CNTNAP2: variants seen among roughly 807,000 people sequenced by gnomAD.
CNTNAP2 encodes contactin associated protein 2, also known as contactin-associated protein-like 2.
In CNTNAP2, 98 loss-of-function variants were observed where a neutral mutation model predicts 155.2. That is an observed-to-expected ratio of 0.63 (90% CI 0.54 to 0.75). The LOEUF (loss-of-function observed/expected upper bound fraction) is 0.75, where lower values mean the gene tolerates loss of function less well. Among genes scored for constraint, CNTNAP2 ranks in the 30% least tolerant of loss-of-function variants. CNTNAP2 has a pLI of 0.00. For synonymous variants in CNTNAP2, 651 were observed against 631.2 expected, an observed-to-expected ratio of 1.03 and a Z score of -0.47; for missense variants, 1,727 against 1,688.1, an observed-to-expected ratio of 1.02 and a Z score of -0.40.
At chr7:146,652,016 A>G (rs907873211) in intron 1 of CNTNAP2, among the ~76,000 whole-genome samples, 2 of 152,306 alleles carry the variant, frequency 1.3e-5, no homozygotes, top group Admixed American at 6.5e-5. Flanking sequence ...AAGTATGTGA[A>G]GAAGGATACT....
chr7:146,833,265 G>C (rs1379686127), intron 2 of CNTNAP2, among the ~76,000 whole-genome samples: 1 of 152,054 alleles, frequency 6.6e-6, no homozygotes, highest in Non-Finnish European at 1.5e-5. Context: ...AATTGGTGTT[G>C]AACTTTTGAC....
intron 20 of CNTNAP2, among the ~76,000 whole-genome samples, chr7:148,242,400 CTGAAGATTTTGA>C (rs1287644464): frequency 6.6e-6 from 1 of 152,188 alleles, no homozygotes; most frequent in African/African-American, 2.4e-5. Context: ...GGGATTGAGT[CTGAAGATTTTGA>C]TGGACATGGT....
intron 1 of CNTNAP2, among the ~76,000 whole-genome samples, chr7:146,325,047 G>GCCT (rs1435112917): frequency 3.9e-5 from 6 of 151,974 alleles, no homozygotes; most frequent in African/African-American, 1.4e-4. Context: ...CGATCCTCCC[G>GCCT]CCTGAGCCTC....
intron 8 of CNTNAP2, among the ~76,000 whole-genome samples, chr7:147,155,344 G>T (rs1480871974): frequency 1.3e-5 from 2 of 152,124 alleles, no homozygotes; most frequent in Non-Finnish European, 2.9e-5. Context: ...TGAGAAATAA[G>T]TATCTGTTGT....
intron 15 of CNTNAP2, among the ~76,000 whole-genome samples, chr7:147,994,663 C>T (rs1208242399): frequency 1.3e-5 from 2 of 152,188 alleles, no homozygotes; most frequent in African/African-American, 4.8e-5. Flanking sequence ...ACTTTCTCCC[C>T]TTGCCTTCCA....
chr7:146,780,045 G>A (rs957993484), intron 2 of CNTNAP2, among the ~76,000 whole-genome samples: 5 of 152,202 alleles, frequency 3.3e-5, no homozygotes, highest in Non-Finnish European at 7.3e-5. Flanking sequence ...TAATGGGATT[G>A]CTGGGTCAAA....
At chr7:147,405,715 C>T (rs996237691) in intron 10 of CNTNAP2, among the ~76,000 whole-genome samples, 14 of 152,114 alleles carry the variant, frequency 9.2e-5, no homozygotes, top group Non-Finnish European at 1.6e-4. Context: ...TGGCTCAAAA[C>T]AAACACAAAA....
At chr7:146,480,843 C>T (rs1182996514) in intron 1 of CNTNAP2, among the ~76,000 whole-genome samples, 4 of 151,506 alleles carry the variant, frequency 2.6e-5, no homozygotes, top group African/African-American at 9.7e-5. Context: ...TCACCGCGCC[C>T]GGCTAATTTT....
At chr7:147,848,520 C>A (rs1354113732) in intron 13 of CNTNAP2, among the ~76,000 whole-genome samples, 519 of 135,968 alleles carry the variant, frequency 3.8e-3, no homozygotes, top group South Asian at 5.4e-3. Flanking sequence ...GAGATGAACC[C>A]GGTACCTCAG....
rs527715772 is a variant in CNTNAP2, at chr7:147,417,882, G to C, written c.1670+22102G>C. On this transcript the variant is annotated intron_variant, in intron 10 of 23. Transcript: ENST00000361727. ...AAAATCTAGAGAAAGTTTTTTAAGA[G>C]TTCCATTTAAAGTTTGCATAAAAGT... Among the ~76,000 whole-genome samples the C allele has an allele frequency of 3.3e-5, 5 of 152,300 alleles. No homozygotes were observed. In the South Asian group the frequency reaches 1.0e-3, roughly 32 times the overall value.
In CNTNAP2 at chr7:148,419,126, CA is replaced by C. The variant is rs1800057002; in HGVS notation, c.*3511del. 1 of 152,170 alleles carries C rather than the reference CA, an allele frequency of 6.6e-6. No homozygotes were observed. The highest frequency in any genetic ancestry group is 1.5e-5 in the Non-Finnish European group (1 of 68,044). 9.4% of individuals were successfully genotyped at this position (152,170 alleles called of 1,614,324 possible). A position where few individuals can be genotyped will look rare whatever the true frequency, so the allele number is the denominator to read the frequency against. On this transcript the variant is annotated 3_prime_UTR_variant, in exon 24 of 24. Coordinates refer to ENST00000361727, the MANE Select transcript of CNTNAP2 (RefSeq NM_014141.6). ...CTTTTTTCTCTCTTCCTCTCCTCAC[CA>C]CATTATACCCTGCTCTTACGCAGTA...
chr7:147,773,139 A>G (rs1379457093), intron 13 of CNTNAP2, among the ~76,000 whole-genome samples: 4 of 152,220 alleles, frequency 2.6e-5, no homozygotes, highest in Non-Finnish European at 5.9e-5. Flanking sequence ...CTTTTTAGCT[A>G]TAACTAAAGG....
intron 12 of CNTNAP2, among the ~76,000 whole-genome samples, chr7:147,573,933 G>T (rs1352334019): frequency 6.6e-6 from 1 of 152,108 alleles, no homozygotes; most frequent in Non-Finnish European, 1.5e-5. Context: ...AAAGTTAGAA[G>T]AATCTTGTTT....
At chr7:146,970,774 C>T (rs867959324) in intron 3 of CNTNAP2, among the ~76,000 whole-genome samples, 17 of 152,198 alleles carry the variant, frequency 1.1e-4, no homozygotes, top group Non-Finnish European at 1.5e-4. Context: ...ATGTTTATTG[C>T]GGCACTATTC....
intron 1 of CNTNAP2, among the ~76,000 whole-genome samples, chr7:146,379,178 G>A (rs1795346931): frequency 6.6e-6 from 1 of 152,278 alleles, no homozygotes; most frequent in Non-Finnish European, 1.5e-5. Context: ...CTGCAGAATG[G>A]GTGCCTCTTT....
intron 18 of CNTNAP2, among the ~76,000 whole-genome samples, chr7:148,183,146 AG>A (rs1259812245): frequency 6.6e-6 from 1 of 152,230 alleles, no homozygotes; most frequent in African/African-American, 2.4e-5. Context: ...GAATAAGACT[AG>A]GCTGGGAATG....
intron 8 of CNTNAP2, among the ~76,000 whole-genome samples, chr7:147,238,325 A>G (rs1480183272): frequency 1.3e-5 from 2 of 151,898 alleles, no homozygotes; most frequent in African/African-American, 4.8e-5. Flanking sequence ...TCAAATTTTG[A>G]ATTTCAAAAT....
chr7:146,729,757 T>A (rs1394441706), intron 1 of CNTNAP2, among the ~76,000 whole-genome samples: 1 of 152,086 alleles, frequency 6.6e-6, no homozygotes, highest in Non-Finnish European at 1.5e-5. Flanking sequence ...CTATGCAAAA[T>A]GTGAAAGGAG....
At chr7:147,119,899 A>G (rs1801067945) in intron 5 of CNTNAP2, among the ~76,000 whole-genome samples, 1 of 152,168 alleles carries the variant, frequency 6.6e-6, no homozygotes, top group Non-Finnish European at 1.5e-5. Flanking sequence ...ATTTTGCCTG[A>G]CCATAAAAAG....
Sources: allele counts gnomAD v4.1 joint callset (sites outside exome capture counted in the v4.1 genomes callset), GRCh38; gene constraint gnomAD v4.1.1; transcripts MANE v1.5; gene names NCBI Gene and HGNC (gene_info 2026-07-23, HGNC 2026-07-21).